RSRC1: variants seen among roughly 807,000 people sequenced by gnomAD.
The protein encoded by RSRC1 is arginine and serine rich coiled-coil 1, also known as serine/Arginine-related protein 53.
Under a neutral mutation model 49.1 loss-of-function variants are expected in RSRC1, and 39 were observed. That is an observed-to-expected ratio of 0.79 (90% CI 0.61 to 1.04). RSRC1 has a LOEUF of 1.04. Ranked by LOEUF, RSRC1 falls within the 50% of genes least tolerant of loss-of-function variation. The pLI is 0.00. For missense variants in RSRC1, 388 were observed against 402.4 expected (o/e 0.96, Z 0.31); for synonymous variants, 143 against 130.8 (o/e 1.09, Z -0.63).
chr3:158,473,777 T>C lies in RSRC1; in HGVS notation c.652+12774T>C, dbSNP rs186609764. Among the ~76,000 whole-genome samples, 565 of 152,214 alleles carry C rather than the reference T, an allele frequency of 3.7e-3. 4 individuals are homozygous for C. The highest frequency in any genetic ancestry group is 0.013 in the African/African-American group (552 of 41,528). On this transcript the variant is annotated intron_variant, in intron 7 of 9. Transcript: ENST00000611884. Reference sequence around the variant, plus strand: ...GTTTTAGGCAAGTTTTTAATGTCAATAAATATAGTAATATAAAATGAAGTT... The same window carrying C: ...GTTTTAGGCAAGTTTTTAATGTCAACAAATATAGTAATATAAAATGAAGTT...
At chr3:158,209,565 C>G (rs775098131) in intron 4 of RSRC1, among the ~76,000 whole-genome samples, 54 of 152,182 alleles carry the variant, frequency 3.5e-4, no homozygotes, top group Non-Finnish European at 6.9e-4. Context: ...TTTTGTATTT[C>G]TAAGTGTGCC....
intron 3 of RSRC1, among the ~76,000 whole-genome samples, chr3:158,198,479 G>A (rs945562546): frequency 2.0e-5 from 3 of 152,080 alleles, no homozygotes; most frequent in Non-Finnish European, 4.4e-5. Context: ...GGAGCATTTA[G>A]CCCATTTATA....
chr3:158,524,320 C>A (rs1381230760), intron 7 of RSRC1, among the ~76,000 whole-genome samples: 1 of 151,990 alleles, frequency 6.6e-6, no homozygotes, highest in African/African-American at 2.4e-5. Flanking sequence ...TTTTTCCTTG[C>A]GAATTTATGT....
intron 4 of RSRC1, among the ~76,000 whole-genome samples, chr3:158,240,098 A>C (rs1036116893): frequency 1.3e-5 from 2 of 152,110 alleles, no homozygotes; most frequent in Non-Finnish European, 2.9e-5. Context: ...TGAGTTTTAA[A>C]ATATCTTTAT....
intron 4 of RSRC1, among the ~76,000 whole-genome samples, chr3:158,222,556 T>C (rs1232060786): frequency 6.6e-6 from 1 of 151,508 alleles, no homozygotes; most frequent in Non-Finnish European, 1.5e-5. Context: ...AGCTTGTCAT[T>C]ATTATTAGCT....
chr3:158,448,756 A>G (rs1009466762), intron 6 of RSRC1, among the ~76,000 whole-genome samples: 2 of 151,984 alleles, frequency 1.3e-5, no homozygotes, highest in African/African-American at 4.8e-5. Flanking sequence ...TTCCCCAACA[A>G]TAAAAAGAAA....
intron 4 of RSRC1, among the ~76,000 whole-genome samples, chr3:158,289,598 C>A (rs535675256): frequency 6.6e-6 from 1 of 152,150 alleles, no homozygotes; most frequent in South Asian, 2.1e-4. Context: ...CATCTGAAAA[C>A]CATCATTCTG....
At chr3:158,208,568 A>T (rs1721481044) in intron 4 of RSRC1, among the ~76,000 whole-genome samples, 1 of 152,072 alleles carries the variant, frequency 6.6e-6, no homozygotes, top group African/African-American at 2.4e-5. Flanking sequence ...ATAAAGTCTC[A>T]CTATGTTGAC....
intron 3 of RSRC1, among the ~76,000 whole-genome samples, chr3:158,159,096 A>G (rs1456278724): frequency 6.6e-6 from 1 of 152,160 alleles, no homozygotes; most frequent in Non-Finnish European, 1.5e-5. Flanking sequence ...TTGTCCAGTA[A>G]GGAACAGTGT....
intron 4 of RSRC1, among the ~76,000 whole-genome samples, chr3:158,239,317 C>A (rs538887214): frequency 4.9e-4 from 75 of 152,276 alleles, no homozygotes; most frequent in African/African-American, 1.8e-3. Context: ...ACTCAAGGAT[C>A]TAGAACTAGA....
chr3:158,236,545 A>G (rs1274646769), intron 4 of RSRC1, among the ~76,000 whole-genome samples: 4 of 152,238 alleles, frequency 2.6e-5, no homozygotes, highest in African/African-American at 9.6e-5. Flanking sequence ...AACTTCATAT[A>G]AATGGAATCA....
At chr3:158,318,783 C>G (rs1391506266) in intron 5 of RSRC1, among the ~76,000 whole-genome samples, 5 of 152,194 alleles carry the variant, frequency 3.3e-5, no homozygotes, top group Non-Finnish European at 5.9e-5. Flanking sequence ...ATTACACATT[C>G]TGTTAAGGAG....
chr3:158,138,957 A>G (rs191424465), intron 3 of RSRC1, among the ~76,000 whole-genome samples: 14 of 152,180 alleles, frequency 9.2e-5, no homozygotes, highest in Admixed American at 2.0e-4. Context: ...TGTTTAGTCT[A>G]TGTTTCACTC....
chr3:158,203,064 T>TA lies in RSRC1; in HGVS notation c.321-7dup. 6.2e-6 allele frequency: 10 copies of TA among 1,604,038 alleles called. No homozygotes were observed. Among genetic ancestry groups the TA allele is most frequent in the Non-Finnish European group, 8.5e-6 (10 of 1,173,612 alleles). On this transcript the variant is annotated splice_region_variant and splice_polypyrimidine_tract_variant and intron_variant, in intron 3 of 9. Transcript: ENST00000611884. ...CTAAGTTTATTTAACAAAATCTGCT[T>TA]ACTGTAGGTCCAGGTCAAGACCTCG...
At chr3:158,417,924 A>T (rs1310680421) in intron 6 of RSRC1, among the ~76,000 whole-genome samples, 1 of 151,918 alleles carries the variant, frequency 6.6e-6, no homozygotes, top group African/African-American at 2.4e-5. Context: ...ATATCAGAAG[A>T]GCCTATCAAA....
chr3:158,146,474 G>T (rs1486484515), intron 3 of RSRC1, among the ~76,000 whole-genome samples: 3 of 152,196 alleles, frequency 2.0e-5, no homozygotes, highest in East Asian at 3.8e-4. Context: ...TCCCAGGGAT[G>T]AAGCCTACTT....
chr3:158,457,802 G>A (rs1268594319), intron 6 of RSRC1, among the ~76,000 whole-genome samples: 1 of 150,106 alleles, frequency 6.7e-6, no homozygotes, highest in Middle Eastern at 3.3e-3. Context: ...CCTAAATTTG[G>A]CTCTTACAGA....
intron 4 of RSRC1, among the ~76,000 whole-genome samples, chr3:158,284,282 C>A (rs1423099461): frequency 6.6e-6 from 1 of 151,656 alleles, no homozygotes; most frequent in Non-Finnish European, 1.5e-5. Flanking sequence ...TTTCTTAATC[C>A]AGTCTATCAT....
chr3:158,208,776 T>C (rs1721493772), intron 4 of RSRC1, among the ~76,000 whole-genome samples: 1 of 152,202 alleles, frequency 6.6e-6, no homozygotes. Context: ...CATTATTTTG[T>C]TAAACTGTTA....
Sources: allele counts gnomAD v4.1 joint callset (sites outside exome capture counted in the v4.1 genomes callset), GRCh38; gene constraint gnomAD v4.1.1; transcripts MANE v1.5; gene names NCBI Gene and HGNC (gene_info 2026-07-23, HGNC 2026-07-21).